FAM3C: variants seen among roughly 807,000 people sequenced by gnomAD.
The protein encoded by FAM3C is protein FAM3C.
FAM3C carries 15 observed loss-of-function variants against 32.5 expected under a neutral mutation model. The observed-to-expected ratio is 0.46, with a 90% CI of 0.31 to 0.71. The LOEUF (loss-of-function observed/expected upper bound fraction) is 0.71. Ranked by LOEUF, FAM3C falls within the 30% of genes least tolerant of loss-of-function variation. FAM3C has a pLI of 0.05. For synonymous variants in FAM3C, 75 were observed against 86.1 expected, an observed-to-expected ratio of 0.87 and a Z score of 0.72; for missense variants, 175 against 274.4, an observed-to-expected ratio of 0.64 and a Z score of 2.56.
intron 1 of FAM3C, among the ~76,000 whole-genome samples, chr7:121,384,394 G>GT (rs1426482326): frequency 9.9e-5 from 15 of 152,220 alleles, no homozygotes; most frequent in African/African-American, 3.6e-4. Context: ...AACCCCAACT[G>GT]GTTATAAATC....
At chr7:121,381,636 C>T (rs1794358533) in intron 2 of FAM3C, among the ~76,000 whole-genome samples, 1 of 150,416 alleles carries the variant, frequency 6.6e-6, no homozygotes, top group African/African-American at 2.4e-5. Flanking sequence ...ATAGTAAGTC[C>T]TGCTGTACTC....
intron 5 of FAM3C, among the ~76,000 whole-genome samples, chr7:121,366,224 TA>T (rs1405982944): frequency 6.6e-6 from 1 of 152,092 alleles, no homozygotes; most frequent in Non-Finnish European, 1.5e-5. Context: ...TATGTCCACA[TA>T]AAATGTGTAC....
At chr7:121,355,365 C>T (rs1005184802) in intron 8 of FAM3C, among the ~76,000 whole-genome samples, 4 of 152,112 alleles carry the variant, frequency 2.6e-5, no homozygotes, top group African/African-American at 9.7e-5. Context: ...GATGCTAAGA[C>T]ATTATCCCTG....
intron 1 of FAM3C, among the ~76,000 whole-genome samples, chr7:121,383,997 T>C (rs1794413626): frequency 6.6e-6 from 1 of 152,022 alleles, no homozygotes; most frequent in East Asian, 1.9e-4. Context: ...GTCAAGAAAA[T>C]AGTAATAATG....
chr7:121,386,851 T>G (rs774889280), intron 1 of FAM3C, among the ~76,000 whole-genome samples: 19 of 152,030 alleles, frequency 1.2e-4, no homozygotes, highest in Non-Finnish European at 2.1e-4. Context: ...AAAAGAATGC[T>G]ACAACTCAAA....
At chr7:121,387,380 C>T (rs12531355) in intron 1 of FAM3C, among the ~76,000 whole-genome samples, 35,052 of 151,990 alleles carry the variant, frequency 0.23, 4,175 homozygotes, top group Non-Finnish European at 0.26. Context: ...TGCTGGGCTA[C>T]GTGTAGGACA....
intron 3 of FAM3C, among the ~76,000 whole-genome samples, chr7:121,376,111 C>G (rs1478901990): frequency 6.6e-6 from 1 of 152,198 alleles, no homozygotes; most frequent in East Asian, 1.9e-4. Context: ...GAAAGGCCAC[C>G]AGGCTGGCTA....
intron 3 of FAM3C, among the ~76,000 whole-genome samples, chr7:121,372,758 G>C (rs563290765): frequency 6.6e-6 from 1 of 152,268 alleles, no homozygotes; most frequent in African/African-American, 2.4e-5. Context: ...CCCAGCCCAG[G>C]AGATTATAAC....
chr7:121,360,867 A>G (rs1241434386), intron 7 of FAM3C, among the ~76,000 whole-genome samples: 2 of 152,074 alleles, frequency 1.3e-5, no homozygotes, highest in Non-Finnish European at 2.9e-5. Context: ...AACGAAACGA[A>G]AAAAAGCATA....
chr7:121,351,122 C>T, intron 9 of FAM3C, 21 bp downstream of exon 9: 1 of 1,600,832 alleles, frequency 6.2e-7, no homozygotes. Flanking sequence ...TTTGTTAATT[C>T]TGAGAGTCTA....
At chr7:121,396,032 G>A (rs540665275) in intron 1 of FAM3C, 130 bp downstream of exon 1, 187 of 151,824 alleles carry the variant, frequency 1.2e-3, no homozygotes, top group Non-Finnish European at 2.1e-3. Context: ...GGCCGGGCCC[G>A]GGGCCCGCCC....
intron 1 of FAM3C, among the ~76,000 whole-genome samples, chr7:121,392,845 A>C (rs1371710983): frequency 6.6e-6 from 1 of 152,196 alleles, no homozygotes; most frequent in Non-Finnish European, 1.5e-5. Context: ...TATGAATGGA[A>C]TATAGAATGG....
chr7:121,358,178 T>G (rs1189327777), intron 8 of FAM3C, among the ~76,000 whole-genome samples: 1 of 152,120 alleles, frequency 6.6e-6, no homozygotes, highest in Non-Finnish European at 1.5e-5. Context: ...AAACGCACAA[T>G]GTCAATGAAA....
At chr7:121,354,377 A>G (rs1793767272) in intron 8 of FAM3C, among the ~76,000 whole-genome samples, 1 of 152,242 alleles carries the variant, frequency 6.6e-6, no homozygotes, top group Admixed American at 6.5e-5. Context: ...ACAGAAAATT[A>G]TCCTGTGATA....
intron 2 of FAM3C, among the ~76,000 whole-genome samples, chr7:121,382,164 T>C (rs975598680): frequency 6.6e-6 from 1 of 152,206 alleles, no homozygotes; most frequent in Non-Finnish European, 1.5e-5. Flanking sequence ...AAAACAGACT[T>C]ATTTTTACTA....
intron 3 of FAM3C, among the ~76,000 whole-genome samples, chr7:121,375,755 A>G (rs1420802759): frequency 6.6e-6 from 1 of 152,168 alleles, no homozygotes; most frequent in Admixed American, 6.5e-5. Flanking sequence ...TTCTAAAAAC[A>G]GTGGGTCTTT....
chr7:121,366,686 CAA>C (rs1794029936), intron 5 of FAM3C, among the ~76,000 whole-genome samples: 1 of 152,080 alleles, frequency 6.6e-6, no homozygotes, highest in Admixed American at 6.5e-5. Flanking sequence ...TATAAATGAG[CAA>C]AATGGACGGC....
intron 7 of FAM3C, among the ~76,000 whole-genome samples, chr7:121,361,912 C>T (rs770319443): frequency 1.3e-5 from 2 of 152,170 alleles, no homozygotes; most frequent in Non-Finnish European, 2.9e-5. Context: ...CTCCTGACGT[C>T]GTGATCTGCC....
At chr7:121,374,724 G>A (rs1413287954) in intron 3 of FAM3C, among the ~76,000 whole-genome samples, 2 of 152,338 alleles carry the variant, frequency 1.3e-5, no homozygotes, top group East Asian at 3.9e-4. Context: ...CTACACTTCA[G>A]TTTTGACATC....
Sources: gnomAD v4.1 joint callset for allele counts (sites outside exome capture counted in the v4.1 genomes callset) on GRCh38, gnomAD v4.1.1 for gene constraint, MANE v1.5 for transcripts, NCBI Gene and HGNC (gene_info 2026-07-23, HGNC 2026-07-21) for gene names.